Variants in NUDT9 observed in about 807,000 individuals in gnomAD.
The protein encoded by NUDT9 is ADP-ribose pyrophosphatase.
Under a neutral mutation model 41.0 loss-of-function variants are expected in NUDT9, and 31 were observed. That is an observed-to-expected ratio of 0.76 (90% CI 0.57 to 1.02). The LOEUF is 1.02. NUDT9 is among the 50% of genes least tolerant of loss of function. The pLI, the probability that NUDT9 is intolerant of heterozygous loss-of-function variation, is 0.00. For missense variants in NUDT9, 380 were observed against 431.4 expected, an observed-to-expected ratio of 0.88 and a Z score of 1.06; for synonymous variants, 146 against 147.6, an observed-to-expected ratio of 0.99 and a Z score of 0.08.
intron 1 of NUDT9, 140 bp downstream of exon 1, chr4:87,423,152 C>G: frequency 1.9e-6 from 1 of 539,598 alleles, no homozygotes. Context: ...TTCAAAAAGG[C>G]TCTAAAATAT....
intron 4 of NUDT9, among the ~76,000 whole-genome samples, chr4:87,447,848 CAT>C (rs752551803): frequency 6.6e-5 from 10 of 151,726 alleles, no homozygotes; most frequent in African/African-American, 2.4e-4. Context: ...AGCTGGGTAA[CAT>C]AGCAGGAGAC....
chr4:87,438,888 C>T (rs565513990), intron 3 of NUDT9, among the ~76,000 whole-genome samples: 11 of 152,258 alleles, frequency 7.2e-5, no homozygotes, highest in East Asian at 1.9e-4. Flanking sequence ...CATACCTGGC[C>T]GGGCGCAGTG....
chr4:87,449,065 G>C (rs568457003), intron 4 of NUDT9, 77 bp from the exon 5 acceptor site: 5 of 807,718 alleles, frequency 6.2e-6, no homozygotes, highest in African/African-American at 1.7e-5. Flanking sequence ...AAAAGTCCTT[G>C]TAACTTTATC....
At chr4:87,455,280 G>GA (rs1722935088) in intron 7 of NUDT9, among the ~76,000 whole-genome samples, 2 of 152,122 alleles carry the variant, frequency 1.3e-5, no homozygotes, top group Admixed American at 1.3e-4. Flanking sequence ...GAACTTGGAG[G>GA]AAACTCCTGG....
chr4:87,423,955 C>A (rs933748968), intron 1 of NUDT9, among the ~76,000 whole-genome samples: 1 of 152,168 alleles, frequency 6.6e-6, no homozygotes, highest in African/African-American at 2.4e-5. Context: ...CTGAGTATAG[C>A]TGTTTATTTC....
At chr4:87,449,119 T>C (rs1722598574) in intron 4 of NUDT9, 23 bp from the exon 5 acceptor site, 4 of 1,350,634 alleles carry the variant, frequency 3.0e-6, no homozygotes, top group Admixed American at 3.5e-5. Context: ...AAATCCGTTA[T>C]GATTTTATAT....
At chr4:87,445,100 A>G (rs1194836982) in intron 4 of NUDT9, among the ~76,000 whole-genome samples, 4 of 152,130 alleles carry the variant, frequency 2.6e-5, no homozygotes, top group African/African-American at 4.8e-5. Context: ...TGTCAGTGCT[A>G]TCATTAGTTT....
intron 1 of NUDT9, among the ~76,000 whole-genome samples, chr4:87,424,096 A>G (rs1359778432): frequency 2.0e-5 from 3 of 152,142 alleles, no homozygotes; most frequent in East Asian, 3.9e-4. Flanking sequence ...AAACATAACT[A>G]TTTTGGACTT....
intron 4 of NUDT9, among the ~76,000 whole-genome samples, chr4:87,442,131 A>G (rs1722229525): frequency 6.6e-6 from 1 of 152,218 alleles, no homozygotes. Flanking sequence ...TGAACATCAT[A>G]GAGTATATTT....
intron 4 of NUDT9, among the ~76,000 whole-genome samples, chr4:87,445,727 C>T (rs1722415881): frequency 1.3e-5 from 2 of 151,964 alleles, no homozygotes; most frequent in Non-Finnish European, 2.9e-5. Context: ...TTATTAGGTT[C>T]GTCAATTAAA....
At chr4:87,442,067 TAAC>T (rs1722227089) in intron 4 of NUDT9, 152 bp downstream of exon 4, 1 of 576,516 alleles carries the variant, frequency 1.7e-6, no homozygotes, top group East Asian at 3.0e-5. Context: ...ATGCATTGCT[TAAC>T]AATGAGGACA....
At chr4:87,445,308 T>TA (rs1429032227) in intron 4 of NUDT9, 4 of 152,348 alleles carry the variant, frequency 2.6e-5, no homozygotes, top group African/African-American at 9.6e-5. Flanking sequence ...CTGTACTTTT[T>TA]ATCATTGTTT....
chr4:87,423,664 T>G (rs566565347), intron 1 of NUDT9, among the ~76,000 whole-genome samples: 2 of 152,372 alleles, frequency 1.3e-5, no homozygotes, highest in East Asian at 3.9e-4. Flanking sequence ...CTAAATAATT[T>G]ACTTACTGTT....
rs976189916 is a variant in NUDT9 at position 87,458,178 on chromosome 4, A to G, written c.*157A>G. On this transcript the variant is annotated 3_prime_UTR_variant, in exon 8 of 8. Transcript: ENST00000302174. Reference sequence around the variant, plus strand: ...TTAGAGTGTTTCGCATCAGAATAACATGAGTAAGATGAACTGGAACACAAA... The same window carrying G: ...TTAGAGTGTTTCGCATCAGAATAACGTGAGTAAGATGAACTGGAACACAAA... 2.9e-5 allele frequency: 15 copies of G among 512,676 alleles called. No homozygotes were observed. Among genetic ancestry groups the G allele is most frequent in the Non-Finnish European group, 4.3e-5 (14 of 323,856 alleles). 31.8% of individuals were successfully genotyped at this position (512,676 alleles called of 1,614,324 possible).
At chr4:87,442,049 A>G (rs1205335176) in intron 4 of NUDT9, 134 bp downstream of exon 4, 3 of 628,498 alleles carry the variant, frequency 4.8e-6, no homozygotes, top group Middle Eastern at 3.9e-4. Flanking sequence ...ATATGTATGT[A>G]TACAGTCATG....
intron 1 of NUDT9, among the ~76,000 whole-genome samples, chr4:87,433,206 C>CT (rs1179840782): frequency 6.6e-6 from 1 of 152,164 alleles, no homozygotes; most frequent in Non-Finnish European, 1.5e-5. Context: ...CCCATCCAAA[C>CT]TTTACTACCT....
chr4:87,456,936 TAAATAAAATA>T (rs1252514648), intron 7 of NUDT9, among the ~76,000 whole-genome samples: 1 of 152,082 alleles, frequency 6.6e-6, no homozygotes, highest in Non-Finnish European at 1.5e-5. Context: ...CATCTAAAAA[TAAATAAAATA>T]AAATAAAATA....
At chr4:87,451,856 TA>T in intron 6 of NUDT9, 121 bp downstream of exon 6, 1 of 805,572 alleles carries the variant, frequency 1.2e-6, no homozygotes, top group East Asian at 2.6e-5. Flanking sequence ...ATATTTAAAA[TA>T]TATTCACAAA....
chr4:87,442,853 G>A (rs1722274660), intron 4 of NUDT9, among the ~76,000 whole-genome samples: 1 of 152,142 alleles, frequency 6.6e-6, no homozygotes, highest in African/African-American at 2.4e-5. Context: ...GCATGGAGCT[G>A]TCATCTCCTA....
Sources: allele counts gnomAD v4.1 joint callset (sites outside exome capture counted in the v4.1 genomes callset), GRCh38; gene constraint gnomAD v4.1.1; transcripts MANE v1.5; gene names NCBI Gene and HGNC (gene_info 2026-07-23, HGNC 2026-07-21).